Variants in C12orf50 observed in about 807,000 individuals in gnomAD.
The protein encoded by C12orf50 is zinc finger CCCH-type containing 11D, also known as uncharacterized protein C12orf50.
A neutral mutation model predicts 61.6 loss-of-function variants in C12orf50; 35 were observed. The ratio of observed to expected loss-of-function variants is 0.57; its 90% CI spans 0.43 to 0.75. C12orf50 has a LOEUF of 0.75. Ranked by LOEUF, C12orf50 falls within the 30% of genes least tolerant of loss-of-function variation. The pLI is 0.00. For missense variants in C12orf50, 475 were observed against 488.5 expected (o/e 0.97, Z 0.26); for synonymous variants, 178 against 161.5 (o/e 1.10, Z -0.77).
At chr12:88,000,464 T>A (rs2031608407) in intron 3 of C12orf50, among the ~76,000 whole-genome samples, 3 of 152,030 alleles carry the variant, frequency 2.0e-5, no homozygotes, top group Admixed American at 2.0e-4. Flanking sequence ...GATTTTGAAA[T>A]CAGGAAGTGT....
At chr12:88,012,266 A>G (rs1007328680) in intron 3 of C12orf50, among the ~76,000 whole-genome samples, 1 of 152,204 alleles carries the variant, frequency 6.6e-6, no homozygotes, top group South Asian at 2.1e-4. Flanking sequence ...AATTTTCAAA[A>G]CAAATTCAGT....
intron 3 of C12orf50, among the ~76,000 whole-genome samples, chr12:88,006,029 G>C (rs2136452740): frequency 6.8e-6 from 1 of 147,314 alleles, no homozygotes; most frequent in Admixed American, 7.1e-5. Flanking sequence ...CCATTCTCCT[G>C]CCTCAGCCTC....
intron 3 of C12orf50, among the ~76,000 whole-genome samples, chr12:88,000,732 A>G (rs994550009): frequency 3.3e-5 from 5 of 151,724 alleles, no homozygotes; most frequent in African/African-American, 1.2e-4. Context: ...GTAGTTTTCG[A>G]ATATAAACTT....
chr12:87,980,408 G>A (rs375236841), intron 12 of C12orf50, 52 bp from the exon 13 acceptor site: 470 of 1,450,850 alleles, frequency 3.2e-4, no homozygotes, highest in Non-Finnish European at 4.4e-4. Context: ...TTAGCGCACT[G>A]ATATTTTGTT....
chr12:88,016,288 A>G (rs541140275), intron 3 of C12orf50, among the ~76,000 whole-genome samples: 1 of 152,232 alleles, frequency 6.6e-6, no homozygotes, highest in South Asian at 2.1e-4. Context: ...CCTCACCCTA[A>G]ATTTATCAAT....
intron 3 of C12orf50, among the ~76,000 whole-genome samples, chr12:88,024,558 A>G (rs1376268694): frequency 6.6e-6 from 1 of 152,178 alleles, no homozygotes; most frequent in Non-Finnish European, 1.5e-5. Context: ...GTTCTAACTT[A>G]TAAGTGAGAG....
chr12:88,026,803 C>T (rs928851290), intron 2 of C12orf50, 148 bp downstream of exon 2: 4 of 1,337,534 alleles, frequency 3.0e-6, no homozygotes, highest in Admixed American at 5.2e-5. Context: ...AAACATGTTC[C>T]TCCATTAAGT....
chr12:87,980,243 A>C lies in C12orf50; in HGVS notation c.*88T>G. ...ACTACATAACATGGAGTACTTGAGT[A>C]TCTCATTCTTTGAATTTTCATTTTT... is the stretch of plus-strand genomic sequence containing the variant. On this transcript the variant is annotated 3_prime_UTR_variant, in exon 13 of 13. Coordinates refer to ENST00000298699, the MANE Select transcript of C12orf50 (RefSeq NM_152589.3). 7.6e-7 allele frequency: 1 copy of C among 1,309,758 alleles called. No homozygotes were observed. The highest frequency in any genetic ancestry group is 1.8e-5 in the Admixed American group (1 of 55,870). The allele number at this position is 1,309,758 out of a possible 1,614,324, so 81.1% of individuals were successfully genotyped here.
At chr12:87,990,212 T>C (rs1592650427) in intron 7 of C12orf50, among the ~76,000 whole-genome samples, 1 of 152,200 alleles carries the variant, frequency 6.6e-6, no homozygotes, top group Admixed American at 6.5e-5. Flanking sequence ...AGTTACCCTG[T>C]AAGATTTGGC....
At chr12:87,980,957 A>G (rs1383580257) in intron 12 of C12orf50, among the ~76,000 whole-genome samples, 2 of 152,198 alleles carry the variant, frequency 1.3e-5, no homozygotes, top group Non-Finnish European at 2.9e-5. Context: ...CCTAGCAGGA[A>G]TATGTGCAGG....
intron 3 of C12orf50, among the ~76,000 whole-genome samples, chr12:88,022,446 G>C (rs1422489229): frequency 6.6e-6 from 1 of 152,084 alleles, no homozygotes; most frequent in South Asian, 2.1e-4. Context: ...ACTGGAAGAA[G>C]ACAAGTATAC....
chr12:88,007,986 G>T (rs943414807), intron 3 of C12orf50, among the ~76,000 whole-genome samples: 108 of 151,870 alleles, frequency 7.1e-4, no homozygotes, highest in African/African-American at 2.6e-3. Flanking sequence ...ATTTTAATAG[G>T]TGATCAATAA....
rs146402782 is a variant in C12orf50, at chr12:87,991,250, A to G, written c.593-1879T>C. On this transcript the variant is annotated intron_variant, in intron 7 of 12. Transcript: ENST00000298699. ...GGAGAAATAACATCATTCATACACT[A>G]TGTAATTTTTATCCATATTGTTCAG... 1.0e-3 allele frequency among the ~76,000 whole-genome samples: 152 copies of G among 152,300 alleles called. 1 individual carries two copies. Among genetic ancestry groups the G allele is most frequent in the African/African-American group, 3.4e-3 (143 of 41,576 alleles).
At chr12:87,990,135 AT>A (rs2031048776) in intron 7 of C12orf50, among the ~76,000 whole-genome samples, 1 of 152,156 alleles carries the variant, frequency 6.6e-6, no homozygotes. Context: ...TTTTTCCCAA[AT>A]TAAAGAAAAG....
intron 3 of C12orf50, among the ~76,000 whole-genome samples, chr12:88,025,010 A>G (rs1349710850): frequency 1.3e-5 from 2 of 152,196 alleles, no homozygotes; most frequent in Admixed American, 1.3e-4. Flanking sequence ...TGGTGACAGC[A>G]ATAATAAATA....
At chr12:87,983,637 G>A (rs1162752515) in intron 11 of C12orf50, 2 of 151,262 alleles carry the variant, frequency 1.3e-5, no homozygotes, top group South Asian at 2.1e-4. Context: ...GAGAACATGC[G>A]GTGTTTGGTT....
Position 88,026,575 on chromosome 12 carries a change from G to A in C12orf50, c.46C>T (p.Gln16Ter). ...NCSISCFWET[Q>*]PLGCVKISCI... is the part of the protein sequence containing the mutation. ...CTGATCTTCACACAACCAAGAGGCT[G>A]AGTTTCCCAGAAGCATGAAATGCTG... Residue 16 changes from glutamine (Q) to a stop codon, truncating the protein, a stop_gained, in exon 3 of 13, where the codon CAG (glutamine) becomes TAG (stop). Coordinates refer to ENST00000298699, the MANE Select transcript of C12orf50 (RefSeq NM_152589.3). LOFTEE classifies it high-confidence loss of function. 1 of 1,613,726 alleles carries A rather than the reference G, an allele frequency of 6.2e-7. No individual in the cohort carries two copies. The highest frequency in any genetic ancestry group is 8.5e-7 in the Non-Finnish European group (1 of 1,179,978).
chr12:88,008,526 G>A (rs978114181), intron 3 of C12orf50, among the ~76,000 whole-genome samples: 1 of 151,824 alleles, frequency 6.6e-6, no homozygotes, highest in African/African-American at 2.4e-5. Flanking sequence ...AGTCCTAAGT[G>A]GCAATAGTTT....
At chr12:88,016,760 C>A (rs4275694) in intron 3 of C12orf50, among the ~76,000 whole-genome samples, 4,082 of 152,168 alleles carry the variant, frequency 0.027, 191 homozygotes, top group African/African-American at 0.093. Flanking sequence ...GATTCTTGCT[C>A]TTATGGTACT....
Sources: gnomAD v4.1 joint callset for allele counts (sites outside exome capture counted in the v4.1 genomes callset) on GRCh38, gnomAD v4.1.1 for gene constraint, MANE v1.5 for transcripts, NCBI Gene and HGNC (gene_info 2026-07-23, HGNC 2026-07-21) for gene names.